The following C5orf34 variants were observed in gnomAD, a reference collection of about 807,000 sequenced individuals.
C5orf34 encodes chromosome 5 open reading frame 34.
C5orf34 carries 73 observed loss-of-function variants against 78.4 expected under a neutral mutation model. That is an observed-to-expected ratio of 0.93 (90% CI 0.77 to 1.13). The LOEUF is 1.13. Among genes scored for constraint, C5orf34 ranks in the 50% most tolerant of loss-of-function variants. The probability of loss-of-function intolerance (pLI) is 0.00; values close to 1 mark genes in which losing one functional copy is unlikely to be tolerated. For synonymous variants in C5orf34, 251 were observed against 246.6 expected (o/e 1.02, Z -0.17); for missense variants, 730 against 732.7 (o/e 1.00, Z 0.04).
At chr5:43,492,139 A>T in intron 10 of C5orf34, 76 bp downstream of exon 10, 1 of 985,182 alleles carries the variant, frequency 1.0e-6, no homozygotes, top group Non-Finnish European at 1.6e-6. Context: ...TATAACACTT[A>T]AATAATGCTT....
intron 10 of C5orf34, among the ~76,000 whole-genome samples, 178 bp from the exon 11 acceptor site, chr5:43,490,907 TTTTCCATTA>T (rs1745254412): frequency 6.6e-6 from 1 of 152,184 alleles, no homozygotes; most frequent in African/African-American, 2.4e-5. Context: ...AAGCCAAATT[TTTTCCATTA>T]TTCATCAAGA....
chr5:43,513,761 C>T (rs6885326), intron 1 of C5orf34, among the ~76,000 whole-genome samples: 9,374 of 152,248 alleles, frequency 0.062, 453 homozygotes, highest in African/African-American at 0.13. Flanking sequence ...GGTTTCAGCA[C>T]AAATGTAACT....
rs375128668 is a variant in C5orf34 at position 43,486,895 on chromosome 5, T to C, written c.*20A>G. Reference sequence around the variant, plus strand: ...ACAACATCCTTAAACTTTAATAATATGTTGTAATAATTCCATTTTTCACTT... The same window carrying C: ...ACAACATCCTTAAACTTTAATAATACGTTGTAATAATTCCATTTTTCACTT... On this transcript the variant is annotated 3_prime_UTR_variant, in exon 13 of 13. Transcript: ENST00000306862. The C allele has an allele frequency of 2.6e-4, 361 of 1,411,294 alleles. 1 individual carries two copies. The African/African-American group carries it at 5.1e-3, about 20-fold the overall frequency. The allele number at this position is 1,411,294 out of a possible 1,614,324, so 87.4% of individuals were successfully genotyped here. A position where few individuals can be genotyped will look rare whatever the true frequency, so the allele number is the denominator to read the frequency against.
chr5:43,506,508 T>TATCTAC (rs1296973972), intron 3 of C5orf34, 114 bp from the exon 4 acceptor site: 15 of 1,063,762 alleles, frequency 1.4e-5, no homozygotes, highest in Middle Eastern at 6.2e-4. Flanking sequence ...TGTGTTTTAC[T>TATCTAC]ATCTACAGAG....
At chr5:43,487,800 A>G (rs935005469) in intron 12 of C5orf34, 109 bp downstream of exon 12, 3 of 787,764 alleles carry the variant, frequency 3.8e-6, no homozygotes, top group East Asian at 5.5e-5. Context: ...AATAAAGGTT[A>G]GCAATATATT....
At chr5:43,508,074 T>A (rs1746068949) in intron 3 of C5orf34, among the ~76,000 whole-genome samples, 1 of 107,162 alleles carries the variant, frequency 9.3e-6, no homozygotes, top group Non-Finnish European at 1.9e-5. Flanking sequence ...TGAGACTCCG[T>A]CTCAGAAAAA....
At chr5:43,508,223 C>G (rs1181252038) in intron 3 of C5orf34, among the ~76,000 whole-genome samples, 2 of 152,010 alleles carry the variant, frequency 1.3e-5, no homozygotes, top group Non-Finnish European at 2.9e-5. Context: ...CAGTAAATGA[C>G]AGTTATTATT....
rs1218391779 is a variant in C5orf34, at chr5:43,498,179, A to T, written c.1153-3578T>A. On this transcript the variant is annotated intron_variant, in intron 6 of 12. Coordinates refer to ENST00000306862, the MANE Select transcript of C5orf34 (RefSeq NM_198566.4). Reference sequence around the variant, plus strand: ...GGAAGGGGCTGTGTCTGTTTTGCTCATGTCTGTATCATTATCATTTATTAG... The same window carrying T: ...GGAAGGGGCTGTGTCTGTTTTGCTCTTGTCTGTATCATTATCATTTATTAG... 2.0e-5 allele frequency among the ~76,000 whole-genome samples: 3 copies of T among 152,168 alleles called. No individual in the cohort carries two copies. In the East Asian group the frequency reaches 5.8e-4, roughly 29 times the overall value.
At chr5:43,500,853 G>A (rs1745727997) in intron 6 of C5orf34, among the ~76,000 whole-genome samples, 1 of 152,110 alleles carries the variant, frequency 6.6e-6, no homozygotes, top group Non-Finnish European at 1.5e-5. Flanking sequence ...TATAAAGTTT[G>A]GTTTCTTACA....
In C5orf34 at chr5:43,509,351, G is replaced by C. The variant is rs772822653; in HGVS notation, c.-12C>G. ...AGTTCAGCTGCCATTACAACGGCAG[G>C]ATAAGATATCTTCTAAGTCAAAGAC... On this transcript the variant is annotated 5_prime_UTR_variant, in exon 2 of 13. It adds an upstream start codon to the 5' untranslated region. Coordinates refer to ENST00000306862, the MANE Select transcript of C5orf34 (RefSeq NM_198566.4). 6.9e-7 allele frequency: 1 copy of C among 1,450,480 alleles called. No individual in the cohort carries two copies. Among genetic ancestry groups the C allele is most frequent in the Admixed American group, 2.3e-5 (1 of 42,822 alleles). 89.9% of individuals were successfully genotyped at this position (1,450,480 alleles called of 1,614,324 possible).
At chr5:43,491,638 T>C (rs989213260) in intron 10 of C5orf34, among the ~76,000 whole-genome samples, 2 of 152,160 alleles carry the variant, frequency 1.3e-5, no homozygotes, top group African/African-American at 4.8e-5. Context: ...ATATCCAACC[T>C]CCACAGCAAA....
At position 43,515,122 on chromosome 5, in the gene C5orf34, C is replaced by T. The variant is rs1409055252; in HGVS notation, c.-353G>A. 6.6e-6 allele frequency: 1 copy of T among 152,224 alleles called. No homozygotes were observed. The highest frequency in any genetic ancestry group is 2.4e-5 in the African/African-American group (1 of 41,450). The allele number at this position is 152,224 out of a possible 1,614,324, so 9.4% of individuals were successfully genotyped here. ...AAGACCAGTTCAAAACCAGCGCCCT[C>T]AGGGAGCCGCTTCAGAGCTCCGCAA... On this transcript the variant is annotated 5_prime_UTR_variant, in exon 1 of 13. Transcript: ENST00000306862.
At chr5:43,505,176 A>C (rs1745927323) in intron 4 of C5orf34, among the ~76,000 whole-genome samples, 1 of 152,246 alleles carries the variant, frequency 6.6e-6, no homozygotes, top group Non-Finnish European at 1.5e-5. Context: ...ACAAATCTAC[A>C]ATCCTTAGTG....
intron 3 of C5orf34, 67 bp from the exon 4 acceptor site, chr5:43,506,461 G>T: frequency 7.0e-7 from 1 of 1,437,470 alleles, no homozygotes; most frequent in East Asian, 2.3e-5. Flanking sequence ...CCATATATTT[G>T]ATATTTAAGT....
At chr5:43,500,584 C>T (rs770192507) in intron 6 of C5orf34, among the ~76,000 whole-genome samples, 7 of 152,098 alleles carry the variant, frequency 4.6e-5, no homozygotes, top group African/African-American at 1.2e-4. Context: ...TCAGTAGAGA[C>T]GAGGTTTTGC....
intron 7 of C5orf34, among the ~76,000 whole-genome samples, 174 bp from the exon 8 acceptor site, chr5:43,493,786 T>C (rs1472264736): frequency 1.3e-5 from 2 of 152,288 alleles, no homozygotes; most frequent in Middle Eastern, 3.4e-3. Flanking sequence ...GGAAATACTG[T>C]TGCTTCCCTT....
chr5:43,509,583 C>G (rs12188821), intron 1 of C5orf34, among the ~76,000 whole-genome samples: 43 of 152,166 alleles, frequency 2.8e-4, no homozygotes, highest in Admixed American at 5.9e-4. Flanking sequence ...AATGGAGGAA[C>G]ATAACCAAGA....
rs752039145 is a variant in C5orf34, at chr5:43,487,888, T to C, written c.1720+21A>G. On this transcript the variant is annotated intron_variant, in intron 12 of 12. Transcript: ENST00000306862. ...GAAAGAGAGTAATTATGTAGGACAG[T>C]GCATTCTGTTTAAAGGATACAGTTA... is the stretch of plus-strand genomic sequence containing the variant. The C allele has an allele frequency of 8.9e-6, 14 of 1,571,452 alleles. No individual in the cohort carries two copies. In the East Asian group the frequency reaches 2.2e-4, roughly 25 times the overall value.
rs946775267 is a variant in C5orf34 at position 43,503,682 on chromosome 5, G to T, written c.1011C>A (p.Tyr337Ter). The T allele has an allele frequency of 6.2e-7, 1 of 1,611,906 alleles. No individual in the cohort carries two copies. The highest frequency in any genetic ancestry group is 1.3e-5 in the African/African-American group (1 of 74,972). Residue 337 changes from tyrosine to a stop codon, truncating the protein, a stop_gained, in exon 5 of 13, where the codon TAC becomes TAA. Transcript: ENST00000306862. LOFTEE classifies it high-confidence loss of function. ...SYPELVKMVWYKGVTYRLTHQ... is the reference protein window; with the variant it reads ...SYPELVKMVW The stretch of plus-strand genomic sequence containing the variant: ...TGCCTTACCTATATGTAACACCTTT[G>T]TACCAAACCATTTTCACTAGTTCAG...
Sources: gnomAD v4.1 joint callset for allele counts (sites outside exome capture counted in the v4.1 genomes callset) on GRCh38, gnomAD v4.1.1 for gene constraint, MANE v1.5 for transcripts, NCBI Gene and HGNC (gene_info 2026-07-23, HGNC 2026-07-21) for gene names.